NTNG1: variants seen among roughly 807,000 people sequenced by gnomAD.
The protein encoded by NTNG1 is netrin-G1.
NTNG1 carries 16 observed loss-of-function variants against 54.0 expected under a neutral mutation model. The ratio of observed to expected loss-of-function variants is 0.30; its 90% CI spans 0.20 to 0.45. NTNG1 has a LOEUF of 0.45. Ranked by LOEUF, NTNG1 falls within the 20% of genes least tolerant of loss-of-function variation. The probability of loss-of-function intolerance (pLI) is 1.00; values close to 1 mark genes in which losing one functional copy is unlikely to be tolerated. For synonymous variants in NTNG1, 255 were observed against 263.1 expected (o/e 0.97, Z 0.30); for missense variants, 530 against 678.7 (o/e 0.78, Z 2.43).
In NTNG1 at chr1:107,215,799, C is replaced by A. The variant is rs1308501299; in HGVS notation, c.246+66960C>A. Among the ~76,000 whole-genome samples, 3 of 151,352 alleles carry A rather than the reference C, an allele frequency of 2.0e-5. No homozygotes were observed. The East Asian group carries it at 5.8e-4, about 29-fold the overall frequency. On this transcript the variant is annotated intron_variant, in intron 2 of 7. Transcript: ENST00000370068. ...GGAATATGTTTCTATTTGCTTGTGT[C>A]ATCTATGATTTCTTTCAGCAGGGTT...
intron 2 of NTNG1, among the ~76,000 whole-genome samples, chr1:107,227,331 T>A (rs1486926026): frequency 6.6e-6 from 1 of 152,110 alleles, no homozygotes; most frequent in Admixed American, 6.6e-5. Flanking sequence ...GATTTTTATC[T>A]TTTCCTCTTT....
intron 2 of NTNG1, among the ~76,000 whole-genome samples, chr1:107,240,953 C>T (rs72699317): frequency 0.038 from 5,742 of 152,110 alleles, 154 homozygotes; most frequent in Non-Finnish European, 0.059. Context: ...AGATCTAAAA[C>T]GAATTTCTTT....
At chr1:107,244,955 C>T (rs1177211524) in intron 2 of NTNG1, among the ~76,000 whole-genome samples, 1 of 152,146 alleles carries the variant, frequency 6.6e-6, no homozygotes, top group African/African-American at 2.4e-5. Flanking sequence ...AAGATTTTAT[C>T]TTTTCTCCTG....
chr1:107,366,461 C>T (rs1670599167), intron 3 of NTNG1, among the ~76,000 whole-genome samples: 1 of 152,110 alleles, frequency 6.6e-6, no homozygotes, highest in Non-Finnish European at 1.5e-5. Flanking sequence ...CCTGGAAATT[C>T]GTAGCTAAAA....
chr1:107,351,647 A>G (rs952425640), intron 3 of NTNG1, among the ~76,000 whole-genome samples: 3 of 152,198 alleles, frequency 2.0e-5, no homozygotes, highest in African/African-American at 7.2e-5. Context: ...ACCCAAAACA[A>G]TATCATTCTG....
At chr1:107,240,137 A>C (rs1661722753) in intron 2 of NTNG1, among the ~76,000 whole-genome samples, 1 of 152,208 alleles carries the variant, frequency 6.6e-6, no homozygotes, top group Admixed American at 6.5e-5. Flanking sequence ...GTCTTTCAGA[A>C]ACAACTACAA....
chr1:107,256,265 T>C (rs920514416), intron 2 of NTNG1, among the ~76,000 whole-genome samples: 17 of 152,340 alleles, frequency 1.1e-4, no homozygotes, highest in African/African-American at 3.6e-4. Context: ...TTTCCTCATG[T>C]AACCAAAGAT....
intron 2 of NTNG1, among the ~76,000 whole-genome samples, chr1:107,297,091 AC>A (rs1665991247): frequency 7.7e-6 from 1 of 129,516 alleles, no homozygotes; most frequent in Non-Finnish European, 1.6e-5. Context: ...ATGAGGACAC[AC>A]ACACACACAC....
At chr1:107,401,823 A>G (rs144938984) in intron 4 of NTNG1, among the ~76,000 whole-genome samples, 28 of 152,096 alleles carry the variant, frequency 1.8e-4, no homozygotes, top group African/African-American at 5.5e-4. Flanking sequence ...TTCCCAACAG[A>G]CTGAGATGAT....
chr1:107,199,901 T>C (rs1263214995), intron 2 of NTNG1, among the ~76,000 whole-genome samples: 1 of 151,888 alleles, frequency 6.6e-6, no homozygotes, highest in Non-Finnish European at 1.5e-5. Context: ...ATCCTTTTTA[T>C]CAATCAGTAA....
At chr1:107,207,115 T>G (rs947045453) in intron 2 of NTNG1, among the ~76,000 whole-genome samples, 10 of 152,272 alleles carry the variant, frequency 6.6e-5, no homozygotes, top group South Asian at 4.1e-4. Flanking sequence ...GGTTCCTAAT[T>G]TCTCAGCTAT....
intron 3 of NTNG1, among the ~76,000 whole-genome samples, chr1:107,340,905 T>G (rs1180418116): frequency 6.6e-6 from 1 of 152,074 alleles, no homozygotes. Flanking sequence ...TTTTCAAGTT[T>G]ATTAATGTGT....
chr1:107,418,667 A>G (rs371911235), intron 5 of NTNG1: 20 of 1,528,782 alleles, frequency 1.3e-5, no homozygotes, highest in Non-Finnish European at 1.7e-5. Context: ...TAAAATTCCT[A>G]CGGACATAAA....
intron 2 of NTNG1, among the ~76,000 whole-genome samples, chr1:107,219,180 C>T (rs1363125881): frequency 1.4e-5 from 2 of 138,746 alleles, no homozygotes; most frequent in Non-Finnish European, 3.1e-5. Context: ...TCTGAAGTTT[C>T]TTCCTCTACT....
At chr1:107,294,202 A>G in intron 2 of NTNG1, among the ~76,000 whole-genome samples, 1 of 152,182 alleles carries the variant, frequency 6.6e-6, no homozygotes, top group East Asian at 1.9e-4. Flanking sequence ...CAGGGATGCC[A>G]GGGGCCCAAG....
intron 7 of NTNG1, among the ~76,000 whole-genome samples, chr1:107,465,227 C>T (rs1192492145): frequency 6.6e-6 from 1 of 151,994 alleles, no homozygotes; most frequent in Non-Finnish European, 1.5e-5. Context: ...TTGAGAATCC[C>T]GTTAGGTGCC....
intron 5 of NTNG1, among the ~76,000 whole-genome samples, chr1:107,416,327 G>A (rs1468205847): frequency 2.6e-5 from 4 of 151,722 alleles, no homozygotes; most frequent in Admixed American, 6.6e-5. Context: ...AAAAAAAGTC[G>A]AATTACATTC....
At chr1:107,443,749 T>G (rs1292694158) in intron 7 of NTNG1, among the ~76,000 whole-genome samples, 2 of 152,280 alleles carry the variant, frequency 1.3e-5, no homozygotes, top group East Asian at 3.9e-4. Context: ...TCTATCAATC[T>G]CTATCACTAC....
At chr1:107,460,191 G>A (rs11804175) in intron 7 of NTNG1, among the ~76,000 whole-genome samples, 2 of 152,090 alleles carry the variant, frequency 1.3e-5, no homozygotes, top group African/African-American at 2.4e-5. Context: ...GGTTCTCGTC[G>A]TGAGCTTCAT....
Sources: allele counts gnomAD v4.1 joint callset (sites outside exome capture counted in the v4.1 genomes callset), GRCh38; gene constraint gnomAD v4.1.1; transcripts MANE v1.5; gene names NCBI Gene and HGNC (gene_info 2026-07-23, HGNC 2026-07-21).